Variants in TMEM114 observed in about 807,000 individuals in gnomAD.
The protein encoded by TMEM114 is claudin-26.
TMEM114 carries 6 observed loss-of-function variants against 6.2 expected under a neutral mutation model. The observed-to-expected ratio is 0.97, with a 90% CI of 0.53 to 1.91. TMEM114 has a LOEUF of 1.91. TMEM114 is among the 40% of genes most tolerant of loss of function. The pLI is 0.01. For synonymous variants in TMEM114, 104 were observed against 73.0 expected (o/e 1.42, Z -2.16); for missense variants, 218 against 158.3 (o/e 1.38, Z -2.02).
chr16:8,590,044 C>T lies in TMEM114; in HGVS notation c.-206G>A. 2.6e-6 allele frequency: 1 copy of T among 379,652 alleles called. No individual in the cohort carries two copies. Among genetic ancestry groups the T allele is most frequent in the Non-Finnish European group, 4.7e-6 (1 of 214,678 alleles). 23.5% of individuals were successfully genotyped at this position (379,652 alleles called of 1,614,324 possible). ...CCTGCCGGCTCCGACCTGCACGCGC[C>T]CCCCGCTCAGCCGCCGTCCACGTTC... On this transcript the variant is annotated 5_prime_UTR_variant, in exon 1 of 4. Transcript: ENST00000620492.
At chr16:8,584,256 T>A (rs1190621899) in intron 2 of TMEM114, among the ~76,000 whole-genome samples, 3 of 152,156 alleles carry the variant, frequency 2.0e-5, no homozygotes, top group South Asian at 2.1e-4. Context: ...GCCAGTAAGA[T>A]TTGAGTTTCT....
chr16:8,544,500 C>G (rs1001346201), intron 2 of TMEM114, among the ~76,000 whole-genome samples: 1 of 152,138 alleles, frequency 6.6e-6, no homozygotes, highest in African/African-American at 2.4e-5. Context: ...ATTTTAAGAA[C>G]GTCAAGTGAC....
chr16:8,563,013 TG>T (rs1901327637), intron 2 of TMEM114, among the ~76,000 whole-genome samples: 1 of 127,996 alleles, frequency 7.8e-6, no homozygotes, highest in Non-Finnish European at 1.7e-5. Flanking sequence ...AGTGAATGAA[TG>T]AGTGAGTGAG....
At chr16:8,589,140 G>A (rs1902404979) in intron 2 of TMEM114, 73 bp downstream of exon 2, 1 of 398,168 alleles carries the variant, frequency 2.5e-6, no homozygotes, top group East Asian at 3.6e-5. Flanking sequence ...AAGCCCGGCT[G>A]TTTTGGGAAA....
chr16:8,546,325 A>G (rs768353389), intron 2 of TMEM114, among the ~76,000 whole-genome samples: 7 of 152,208 alleles, frequency 4.6e-5, no homozygotes, highest in South Asian at 4.1e-4. Flanking sequence ...CCTGTCAGCA[A>G]TTGTAAACAT....
intron 2 of TMEM114, among the ~76,000 whole-genome samples, chr16:8,573,586 T>A (rs917511053): frequency 1.3e-5 from 2 of 151,670 alleles, no homozygotes; most frequent in African/African-American, 4.8e-5. Context: ...TTTTTTTTTA[T>A]CCATCCTTCA....
chr16:8,585,012 A>T (rs1368461668), intron 2 of TMEM114, among the ~76,000 whole-genome samples: 1 of 152,030 alleles, frequency 6.6e-6, no homozygotes, highest in Non-Finnish European at 1.5e-5. Flanking sequence ...TAAAGGAAAG[A>T]GGTTTAATGG....
intron 2 of TMEM114, among the ~76,000 whole-genome samples, chr16:8,564,072 A>G (rs892203369): frequency 6.7e-6 from 1 of 148,534 alleles, no homozygotes; most frequent in Non-Finnish European, 1.5e-5. Flanking sequence ...TGAGTGAGTG[A>G]GTGCATGAAT....
chr16:8,580,852 G>C (rs1007381788), intron 2 of TMEM114, among the ~76,000 whole-genome samples: 1 of 152,128 alleles, frequency 6.6e-6, no homozygotes, highest in South Asian at 2.1e-4. Flanking sequence ...CACCACGTCC[G>C]GCTAATTTTT....
intron 2 of TMEM114, among the ~76,000 whole-genome samples, chr16:8,541,383 G>A (rs74250586): frequency 0.028 from 4,205 of 152,030 alleles, 129 homozygotes; most frequent in East Asian, 0.066. Context: ...CATAAACCAG[G>A]ACCTCCCCAA....
chr16:8,565,865 T>G (rs111455647), downstream of TMEM114, among the ~76,000 whole-genome samples: 5 of 152,292 alleles, frequency 3.3e-5, no homozygotes, highest in African/African-American at 1.2e-4. Context: ...CTGGTTGTTT[T>G]TTAAATAGGA....
At chr16:8,538,708 C>T (rs1263313935) in intron 2 of TMEM114, among the ~76,000 whole-genome samples, 1 of 151,966 alleles carries the variant, frequency 6.6e-6, no homozygotes, top group African/African-American at 2.4e-5. Context: ...GGGTTTCACC[C>T]TGTTAGCCAG....
the TMEM114 span, among the ~76,000 whole-genome samples, chr16:8,528,469 CA>C: frequency 6.6e-6 from 1 of 152,170 alleles, no homozygotes; most frequent in Non-Finnish European, 1.5e-5. Flanking sequence ...CATCCAATCA[CA>C]CCCTTCCTCA....
intron 2 of TMEM114, among the ~76,000 whole-genome samples, chr16:8,583,625 G>A (rs896684028): frequency 6.6e-6 from 1 of 152,116 alleles, no homozygotes; most frequent in Non-Finnish European, 1.5e-5. Flanking sequence ...GTGCACATCT[G>A]TGGTCCCAGC....
intron 2 of TMEM114, among the ~76,000 whole-genome samples, chr16:8,573,756 A>T (rs1196914264): frequency 6.6e-6 from 1 of 152,152 alleles, no homozygotes; most frequent in Non-Finnish European, 1.5e-5. Flanking sequence ...TGCATTCACC[A>T]CTGTCCACCC....
At chr16:8,545,446 C>T (rs1900635384) in intron 2 of TMEM114, among the ~76,000 whole-genome samples, 1 of 151,806 alleles carries the variant, frequency 6.6e-6, no homozygotes, top group Non-Finnish European at 1.5e-5. Context: ...AAATAATCAA[C>T]ATCATCATCA....
intron 2 of TMEM114, among the ~76,000 whole-genome samples, chr16:8,584,422 G>C (rs899633423): frequency 3.3e-5 from 5 of 152,094 alleles, no homozygotes; most frequent in African/African-American, 4.8e-5. Flanking sequence ...GACTTCCCCA[G>C]AGCTAACCTG....
the TMEM114 span, among the ~76,000 whole-genome samples, chr16:8,530,750 A>C: frequency 6.6e-6 from 1 of 151,998 alleles, no homozygotes; most frequent in Non-Finnish European, 1.5e-5. Context: ...GGGGCCGGGC[A>C]TTGTGGCTCA....
intron 2 of TMEM114, among the ~76,000 whole-genome samples, chr16:8,539,373 C>G (rs930581947): frequency 3.3e-5 from 5 of 152,150 alleles, no homozygotes; most frequent in Admixed American, 6.5e-5. Flanking sequence ...ACCCACTTAC[C>G]CAGAATACTT....
Sources: gnomAD v4.1 joint callset for allele counts (sites outside exome capture counted in the v4.1 genomes callset) on GRCh38, gnomAD v4.1.1 for gene constraint, MANE v1.5 for transcripts, NCBI Gene and HGNC (gene_info 2026-07-23, HGNC 2026-07-21) for gene names.